GPC6: variants seen among roughly 807,000 people sequenced by gnomAD.
The protein encoded by GPC6 is glypican-6.
Under a neutral mutation model 55.2 loss-of-function variants are expected in GPC6, and 14 were observed. That is an observed-to-expected ratio of 0.25 (90% CI 0.17 to 0.40). GPC6 has a LOEUF of 0.40. GPC6 is among the 10% of genes least tolerant of loss of function. The probability of loss-of-function intolerance (pLI) is 1.00; values close to 1 mark genes in which losing one functional copy is unlikely to be tolerated. For synonymous variants in GPC6, 278 were observed against 259.6 expected, an observed-to-expected ratio of 1.07 and a Z score of -0.68; for missense variants, 641 against 708.5, an observed-to-expected ratio of 0.90 and a Z score of 1.08.
intron 4 of GPC6, among the ~76,000 whole-genome samples, chr13:94,261,880 TG>T (rs1184624654): frequency 6.6e-6 from 1 of 152,208 alleles, no homozygotes; most frequent in Non-Finnish European, 1.5e-5. Flanking sequence ...AAACAAGACC[TG>T]GATGTAGGCT....
intron 3 of GPC6, among the ~76,000 whole-genome samples, chr13:93,988,696 C>A (rs943850208): frequency 6.6e-6 from 1 of 152,088 alleles, no homozygotes; most frequent in Admixed American, 6.6e-5. Context: ...CCCTCATGAC[C>A]TAATTGTCTC....
intron 4 of GPC6, among the ~76,000 whole-genome samples, chr13:94,136,361 C>A (rs544467342): frequency 6.6e-6 from 1 of 151,922 alleles, no homozygotes; most frequent in Non-Finnish European, 1.5e-5. Flanking sequence ...CCAGGCATGG[C>A]GATAAGAAGG....
chr13:94,068,323 C>G (rs1005603833), intron 4 of GPC6, among the ~76,000 whole-genome samples: 1 of 152,076 alleles, frequency 6.6e-6, no homozygotes, highest in Admixed American at 6.6e-5. Context: ...GGGAAAAACC[C>G]GCCTCCATGA....
chr13:94,187,263 G>A (rs975309659), intron 4 of GPC6: 5 of 152,102 alleles, frequency 3.3e-5, no homozygotes, highest in Admixed American at 6.6e-5. Flanking sequence ...GTGAATCACC[G>A]GCATAATTGG....
intron 4 of GPC6, among the ~76,000 whole-genome samples, chr13:94,068,667 C>T (rs1884623820): frequency 6.6e-6 from 1 of 152,152 alleles, no homozygotes; most frequent in African/African-American, 2.4e-5. Flanking sequence ...ACGGCCATTG[C>T]AAATGGGAGA....
At chr13:94,270,727 A>G (rs1444782078) in intron 4 of GPC6, among the ~76,000 whole-genome samples, 1 of 152,154 alleles carries the variant, frequency 6.6e-6, no homozygotes, top group Non-Finnish European at 1.5e-5. Context: ...CGCTAGGGGG[A>G]AGTGTTCTTA....
intron 3 of GPC6, among the ~76,000 whole-genome samples, chr13:94,016,855 A>G (rs1169415835): frequency 1.4e-5 from 2 of 146,630 alleles, no homozygotes; most frequent in African/African-American, 5.1e-5. Context: ...TTTTTTTGAG[A>G]TGGAGTTTCG....
intron 2 of GPC6, among the ~76,000 whole-genome samples, chr13:93,606,686 G>A (rs894261714): frequency 6.6e-6 from 1 of 152,154 alleles, no homozygotes; most frequent in Non-Finnish European, 1.5e-5. Context: ...TGCAAGGAAT[G>A]ATTCATTCAC....
At chr13:94,378,433 C>T (rs1276985524) in intron 6 of GPC6, among the ~76,000 whole-genome samples, 1 of 152,106 alleles carries the variant, frequency 6.6e-6, no homozygotes, top group Non-Finnish European at 1.5e-5. Context: ...CTGTTTTTAG[C>T]AATCATTCCA....
intron 6 of GPC6, among the ~76,000 whole-genome samples, chr13:94,337,820 C>A (rs1473443660): frequency 6.6e-6 from 1 of 152,168 alleles, no homozygotes; most frequent in Non-Finnish European, 1.5e-5. Flanking sequence ...GGAGAAGACA[C>A]AGAAAGCCCT....
intron 3 of GPC6, among the ~76,000 whole-genome samples, chr13:93,920,236 A>G (rs992886845): frequency 1.3e-5 from 2 of 151,868 alleles, no homozygotes; most frequent in African/African-American, 4.8e-5. Context: ...TTTTTTCTCT[A>G]TCTTTTTCAC....
chr13:94,307,773 G>T (rs1048379009), intron 6 of GPC6, among the ~76,000 whole-genome samples: 1 of 152,154 alleles, frequency 6.6e-6, no homozygotes, highest in Non-Finnish European at 1.5e-5. Context: ...TTTACAAATT[G>T]CATTGTATAT....
At chr13:94,360,602 A>C (rs2139180010) in intron 6 of GPC6, among the ~76,000 whole-genome samples, 1 of 152,308 alleles carries the variant, frequency 6.6e-6, no homozygotes, top group Middle Eastern at 3.4e-3. Flanking sequence ...GAATTAGGAA[A>C]TTGTTTGTAG....
intron 3 of GPC6, among the ~76,000 whole-genome samples, chr13:93,985,298 G>A (rs1208141603): frequency 3.3e-5 from 5 of 151,940 alleles, no homozygotes; most frequent in Admixed American, 1.3e-4. Context: ...TTAGCTGGGC[G>A]TAATGGTGCA....
chr13:94,168,788 T>C (rs540276149), intron 4 of GPC6, among the ~76,000 whole-genome samples: 1 of 150,716 alleles, frequency 6.6e-6, no homozygotes, highest in Non-Finnish European at 1.5e-5. Context: ...GATTCATGAT[T>C]TTACATTAAT....
At chr13:93,331,573 T>C (rs1868918898) in intron 1 of GPC6, among the ~76,000 whole-genome samples, 1 of 152,188 alleles carries the variant, frequency 6.6e-6, no homozygotes, top group East Asian at 1.9e-4. Context: ...AGAATTGATA[T>C]TTTTCTAATA....
intron 2 of GPC6, among the ~76,000 whole-genome samples, chr13:93,624,114 C>CTTT (rs34693901): frequency 3.7e-4 from 52 of 141,952 alleles, no homozygotes; most frequent in Middle Eastern, 3.8e-3. Flanking sequence ...CAAATTTCAA[C>CTTT]TTTTTTTTTT....
At chr13:94,197,311 C>A (rs539797949) in intron 4 of GPC6, among the ~76,000 whole-genome samples, 45 of 152,324 alleles carry the variant, frequency 3.0e-4, no homozygotes, top group Admixed American at 1.4e-3. Context: ...CCCTGCCAAG[C>A]ATCATCAAGT....
chr13:93,323,001 C>A (rs1879511392), intron 1 of GPC6, among the ~76,000 whole-genome samples: 1 of 151,970 alleles, frequency 6.6e-6, no homozygotes, highest in Non-Finnish European at 1.5e-5. Flanking sequence ...AGTAACATTA[C>A]TCTACTCTGC....
Sources: allele counts gnomAD v4.1 joint callset (sites outside exome capture counted in the v4.1 genomes callset), GRCh38; gene constraint gnomAD v4.1.1; transcripts MANE v1.5; gene names NCBI Gene and HGNC (gene_info 2026-07-23, HGNC 2026-07-21).